RAD51B: variants seen among roughly 807,000 people sequenced by gnomAD.
RAD51B encodes DNA repair protein RAD51 homolog 2.
In RAD51B, 38 loss-of-function variants were observed where a neutral mutation model predicts 42.2. That is an observed-to-expected ratio of 0.90 (90% confidence interval 0.70 to 1.18). The LOEUF is 1.18. RAD51B is among the 50% of genes most tolerant of loss of function. The pLI, the probability that RAD51B is intolerant of heterozygous loss-of-function variation, is 0.00. For synonymous variants in RAD51B, 154 were observed against 145.2 expected (o/e 1.06, Z -0.43); for missense variants, 373 against 400.7 (o/e 0.93, Z 0.59).
intron 7 of RAD51B, among the ~76,000 whole-genome samples, chr14:67,926,073 A>AT (rs1288619213): frequency 2.0e-5 from 3 of 152,118 alleles, no homozygotes; most frequent in Non-Finnish European, 2.9e-5. Context: ...CCTTAGAGAC[A>AT]TTTTTTCCAT....
At chr14:68,237,915 A>G (rs1017752491) in intron 7 of RAD51B, among the ~76,000 whole-genome samples, 3 of 151,668 alleles carry the variant, frequency 2.0e-5, no homozygotes, top group Admixed American at 6.6e-5. Flanking sequence ...TTTGTATTTT[A>G]GTAGAGATGG....
chr14:67,883,269 C>T (rs939451760), intron 5 of RAD51B, among the ~76,000 whole-genome samples: 9 of 150,798 alleles, frequency 6.0e-5, no homozygotes, highest in Non-Finnish European at 1.3e-4. Flanking sequence ...CATGTTGTTC[C>T]TGCTTCTAGG....
At chr14:68,032,084 C>G (rs2076055552) in intron 7 of RAD51B, among the ~76,000 whole-genome samples, 1 of 152,122 alleles carries the variant, frequency 6.6e-6, no homozygotes, top group Admixed American at 6.6e-5. Context: ...AAATCTTGGG[C>G]AAATTATGTA....
rs557120304 is a variant in RAD51B at position 67,830,903 on chromosome 14, T to A, written c.199-4177T>A. ...AGTACTTGTGTAATTTTTTTTTTTT[T>A]GAGATGGAGTTTCGCTCTTGTCACC... On this transcript the variant is annotated intron_variant, in intron 3 of 10. Transcript: ENST00000471583. Among the ~76,000 whole-genome samples, 7 of 151,714 alleles carry A rather than the reference T, an allele frequency of 4.6e-5. No homozygotes were observed. In the East Asian group the frequency reaches 1.2e-3, roughly 25 times the overall value.
chr14:68,050,509 T>A (rs17104880), intron 7 of RAD51B, among the ~76,000 whole-genome samples: 12 of 152,202 alleles, frequency 7.9e-5, no homozygotes, highest in Admixed American at 5.9e-4. Flanking sequence ...CAGAAAAATA[T>A]GAAGAAATAA....
At position 68,165,502 on chromosome 14, in the gene RAD51B, A is replaced by AT. The variant is rs141149401; in HGVS notation, c.757-126374dup. Among the ~76,000 whole-genome samples the AT allele has an allele frequency of 1.6e-3, 248 of 151,940 alleles. 1 individual carries two copies. Among genetic ancestry groups the AT allele is most frequent in the African/African-American group, 5.3e-3 (221 of 41,438 alleles). On this transcript the variant is annotated intron_variant, in intron 7 of 10. Transcript: ENST00000471583. ...GCAGAAATTCACTTTATTCATATGC[A>AT]TTTTTTTTCCTCTTGGGTAAAGAGT... is the stretch of plus-strand genomic sequence containing the variant.
chr14:67,948,526 T>C (rs966294790), intron 7 of RAD51B, among the ~76,000 whole-genome samples: 1 of 152,178 alleles, frequency 6.6e-6, no homozygotes, highest in African/African-American at 2.4e-5. Context: ...CACAATAAAG[T>C]AACTATTGCA....
chr14:68,088,609 C>T (rs752246724), intron 7 of RAD51B, among the ~76,000 whole-genome samples: 27 of 130,706 alleles, frequency 2.1e-4, no homozygotes, highest in Non-Finnish European at 3.4e-4. Flanking sequence ...TGTGTGTGTG[C>T]GCGTGTGTGT....
chr14:68,218,558 A>G (rs2140958244), intron 7 of RAD51B, among the ~76,000 whole-genome samples: 1 of 152,330 alleles, frequency 6.6e-6, no homozygotes, highest in Non-Finnish European at 1.5e-5. Context: ...AGTGCTATTG[A>G]TGTGGCATTA....
chr14:68,438,351 G>C (rs150144732), intron 9 of RAD51B, among the ~76,000 whole-genome samples: 1 of 152,100 alleles, frequency 6.6e-6, no homozygotes, highest in Admixed American at 6.5e-5. Context: ...GTGTGGGAAG[G>C]GGGTTGTTCC....
intron 7 of RAD51B, among the ~76,000 whole-genome samples, chr14:68,181,997 A>G (rs1461369938): frequency 6.6e-6 from 1 of 152,182 alleles, no homozygotes; most frequent in Admixed American, 6.5e-5. Context: ...TGATGTATGC[A>G]TTATATAGAT....
intron 7 of RAD51B, among the ~76,000 whole-genome samples, chr14:68,262,597 C>T (rs1056904882): frequency 2.0e-5 from 3 of 152,116 alleles, no homozygotes; most frequent in Non-Finnish European, 2.9e-5. Context: ...AATTCCAAGT[C>T]GCATCTCCCT....
downstream of RAD51B, among the ~76,000 whole-genome samples, chr14:68,600,770 T>C (rs1424244651): frequency 6.6e-6 from 1 of 152,144 alleles, no homozygotes; most frequent in East Asian, 1.9e-4. Flanking sequence ...TCTCCCAGCC[T>C]CCTTTAGGGA....
intron 7 of RAD51B, among the ~76,000 whole-genome samples, chr14:68,191,509 T>C (rs1278124470): frequency 6.6e-6 from 1 of 152,218 alleles, no homozygotes; most frequent in Non-Finnish European, 1.5e-5. Flanking sequence ...GGGGAAAATA[T>C]TTCTTTGAAT....
chr14:68,086,289 C>T (rs548254391), intron 7 of RAD51B, among the ~76,000 whole-genome samples: 39 of 152,236 alleles, frequency 2.6e-4, no homozygotes, highest in Non-Finnish European at 5.0e-4. Flanking sequence ...CCTATTAGTG[C>T]GTTCCTCTCG....
chr14:67,974,838 ATTAG>A (rs1443190040), intron 7 of RAD51B, among the ~76,000 whole-genome samples: 3 of 152,172 alleles, frequency 2.0e-5, no homozygotes, highest in Non-Finnish European at 4.4e-5. Flanking sequence ...ATAATTTTTA[ATTAG>A]TTGTGAACTG....
intron 7 of RAD51B, among the ~76,000 whole-genome samples, chr14:68,202,686 G>T (rs1045399728): frequency 8.8e-5 from 13 of 147,812 alleles, no homozygotes; most frequent in South Asian, 4.3e-4. Context: ...GGGTTAAAGC[G>T]ATTCTCCTGC....
intron 7 of RAD51B, among the ~76,000 whole-genome samples, chr14:68,168,856 A>G (rs1000093803): frequency 1.3e-5 from 2 of 152,104 alleles, no homozygotes; most frequent in Non-Finnish European, 2.9e-5. Context: ...CCAAGTGAAC[A>G]TGATGTTCAT....
At chr14:68,495,489 G>A (rs1232036735) in intron 10 of RAD51B, among the ~76,000 whole-genome samples, 1 of 152,214 alleles carries the variant, frequency 6.6e-6, no homozygotes, top group Non-Finnish European at 1.5e-5. Context: ...AGGGGGCTGG[G>A]TCTCCTTCTC....
Sources: allele counts gnomAD v4.1 joint callset (sites outside exome capture counted in the v4.1 genomes callset), GRCh38; gene constraint gnomAD v4.1.1; transcripts MANE v1.5; gene names NCBI Gene and HGNC (gene_info 2026-07-23, HGNC 2026-07-21).